Variants in RBFOX1 observed in about 807,000 individuals in gnomAD.
RBFOX1 encodes the protein RNA binding protein fox-1 homolog 1.
RBFOX1 carries 8 observed loss-of-function variants against 57.7 expected under a neutral mutation model. The observed-to-expected ratio is 0.14, with a 90% CI of 0.08 to 0.25. The LOEUF is 0.25. RBFOX1 is among the 10% of genes least tolerant of loss of function. The pLI is 1.00. For missense variants in RBFOX1, 611 were observed against 548.5 expected, an observed-to-expected ratio of 1.11 and a Z score of -1.14; for synonymous variants, 326 against 222.4, an observed-to-expected ratio of 1.47 and a Z score of -4.15.
At chr16:6,994,331 G>T (rs1277289668) in intron 3 of RBFOX1, among the ~76,000 whole-genome samples, 1 of 152,168 alleles carries the variant, frequency 6.6e-6, no homozygotes, top group Non-Finnish European at 1.5e-5. Flanking sequence ...TAAGTGTCTA[G>T]AGTCTAATGA....
rs185087615 is a variant in RBFOX1, at chr16:5,974,758, C to T, written c.351+107423C>T. 9.6e-4 allele frequency among the ~76,000 whole-genome samples: 146 copies of T among 152,252 alleles called. No individual in the cohort carries two copies. In the Middle Eastern group the frequency reaches 0.021, roughly 21 times the overall value. On this transcript the variant is annotated intron_variant, in intron 4 of 19. Coordinates refer to the RBFOX1 transcript ENST00000641259. ...GCGCAGTGGCTCACGTCTGTAATCC[C>T]AGCACTTTGGGAGGCAGAGGTGGGA...
chr16:7,035,921 A>G (rs978271226), intron 3 of RBFOX1, among the ~76,000 whole-genome samples: 6 of 152,172 alleles, frequency 3.9e-5, no homozygotes, highest in Admixed American at 1.3e-4. Flanking sequence ...AACAGTCACC[A>G]CCACCACCCA....
rs116832188 is a variant in RBFOX1, at chr16:6,879,874, C to T, written c.-15-172183C>T. On this transcript the variant is annotated intron_variant, in intron 3 of 15. Transcript: ENST00000550418. ...CATTTTGAATTATCTCATAAATGTG[C>T]AATCTTGCCTCACAGTTAAATCTGA... Among the ~76,000 whole-genome samples, 888 of 152,252 alleles carry T rather than the reference C, an allele frequency of 5.8e-3. 15 individuals are homozygous for T. The highest frequency in any genetic ancestry group is 0.02 in the African/African-American group (840 of 41,546).
chr16:7,334,266 G>C (rs1005020476), intron 4 of RBFOX1, among the ~76,000 whole-genome samples: 1 of 151,976 alleles, frequency 6.6e-6, no homozygotes, highest in African/African-American at 2.4e-5. Flanking sequence ...GCTTTTCTCT[G>C]TATTACCTGT....
chr16:7,144,422 T>TTTC (rs1567440147), intron 4 of RBFOX1, among the ~76,000 whole-genome samples: 1 of 137,576 alleles, frequency 7.3e-6, no homozygotes, highest in East Asian at 2.1e-4. Context: ...TTCTTCTTTT[T>TTTC]TTTTTTTTTT....
chr16:6,639,364 T>G (rs1278738225), intron 2 of RBFOX1, among the ~76,000 whole-genome samples: 1 of 152,126 alleles, frequency 6.6e-6, no homozygotes, highest in African/African-American at 2.4e-5. Flanking sequence ...TTAGTAGGTG[T>G]TGAGATAGAC....
At chr16:7,051,888 A>G (rs919588980) in intron 3 of RBFOX1, among the ~76,000 whole-genome samples, 169 bp from the exon 4 acceptor site, 4 of 152,060 alleles carry the variant, frequency 2.6e-5, no homozygotes, top group African/African-American at 4.8e-5. Context: ...ACACAATTGA[A>G]CTCCAAGTGA....
chr16:5,926,547 G>T (rs1047744790), intron 4 of RBFOX1, among the ~76,000 whole-genome samples: 3 of 152,132 alleles, frequency 2.0e-5, no homozygotes, highest in Non-Finnish European at 4.4e-5. Flanking sequence ...ACTGACAGAA[G>T]GAGATTTGGA....
At chr16:7,511,102 C>T (rs763158445) in intron 4 of RBFOX1, among the ~76,000 whole-genome samples, 9 of 152,160 alleles carry the variant, frequency 5.9e-5, no homozygotes, top group Admixed American at 2.0e-4. Context: ...TTTTAAAGTC[C>T]ACCTGGACGG....
intron 4 of RBFOX1, among the ~76,000 whole-genome samples, chr16:7,186,409 CATATTTATATAAATATAAACAT>C (rs1217783023): frequency 9.1e-5 from 8 of 87,838 alleles, no homozygotes; most frequent in Non-Finnish European, 1.6e-4. Context: ...TAAACATAAA[CATATTTATATAAATATAAACAT>C]AAACATATTT....
At position 6,923,812 on chromosome 16, in the gene RBFOX1, C is replaced by A. The variant is rs180867180; in HGVS notation, c.-15-128245C>A. ...AATAAAGGATTTGCCACCTTCTAGC[C>A]ATGAAACTTCAGGCAAGTGACTGAA... On this transcript the variant is annotated intron_variant, in intron 3 of 15. Coordinates refer to ENST00000550418, the MANE Select transcript of RBFOX1 (RefSeq NM_018723.4). Among the ~76,000 whole-genome samples the A allele has an allele frequency of 4.1e-3, 624 of 152,210 alleles. 3 individuals carry two copies. The highest frequency in any genetic ancestry group is 7.1e-3 in the South Asian group (34 of 4,810).
chr16:6,233,649 C>A (rs987048305), intron 1 of RBFOX1, among the ~76,000 whole-genome samples: 1 of 152,098 alleles, frequency 6.6e-6, no homozygotes, highest in Admixed American at 6.5e-5. Context: ...CACTGTGCCA[C>A]CCAGCCTGGA....
intron 2 of RBFOX1, among the ~76,000 whole-genome samples, chr16:6,481,991 A>G (rs1324910916): frequency 6.6e-6 from 1 of 152,214 alleles, no homozygotes. Flanking sequence ...AGGAATTGGC[A>G]TGTTAAAAAA....
At chr16:6,966,392 G>A (rs148026808) in intron 3 of RBFOX1, among the ~76,000 whole-genome samples, 2 of 152,254 alleles carry the variant, frequency 1.3e-5, no homozygotes, top group East Asian at 3.9e-4. Context: ...AGGACAGCCA[G>A]GAGGAAGGGG....
At chr16:7,106,399 T>C (rs1276084628) in intron 4 of RBFOX1, among the ~76,000 whole-genome samples, 2 of 152,186 alleles carry the variant, frequency 1.3e-5, no homozygotes, top group Non-Finnish European at 2.9e-5. Context: ...TTTACAGCTC[T>C]TTATTCTTCA....
chr16:7,228,275 A>T (rs1040611736), intron 4 of RBFOX1, among the ~76,000 whole-genome samples: 1 of 152,164 alleles, frequency 6.6e-6, no homozygotes, highest in Admixed American at 6.5e-5. Context: ...AGAGCTGAGG[A>T]CTATATTCAT....
intron 11 of RBFOX1, among the ~76,000 whole-genome samples, chr16:7,648,759 C>T (rs1282277818): frequency 2.6e-5 from 4 of 152,078 alleles, no homozygotes; most frequent in South Asian, 2.1e-4. Flanking sequence ...ACTGGAGTCC[C>T]GCTTTTCCCC....
In RBFOX1 at chr16:7,104,227, C is replaced by T. The variant is rs148483072; in HGVS notation, c.27+52129C>T. ...TGCTGTCTGGAACTACTGAAAACTG[C>T]AGTATTAACCTCTAAATTGTATCCC... On this transcript the variant is annotated intron_variant, in intron 4 of 15. Transcript: ENST00000550418. Among the ~76,000 whole-genome samples the T allele has an allele frequency of 5.7e-3, 861 of 152,212 alleles. 26 individuals are homozygous for T. The highest frequency in any genetic ancestry group is 0.047 in the Admixed American group (721 of 15,266).
chr16:6,607,129 A>C (rs2097944115), intron 2 of RBFOX1, among the ~76,000 whole-genome samples: 1 of 152,204 alleles, frequency 6.6e-6, no homozygotes, highest in Non-Finnish European at 1.5e-5. Context: ...AGTGGAAGTC[A>C]GCACTCTGCA....
Sources: gnomAD v4.1 joint callset for allele counts (sites outside exome capture counted in the v4.1 genomes callset) on GRCh38, gnomAD v4.1.1 for gene constraint, MANE v1.5 for transcripts, NCBI Gene and HGNC (gene_info 2026-07-23, HGNC 2026-07-21) for gene names.